KLHL30: variants seen among roughly 807,000 people sequenced by gnomAD.
KLHL30 encodes kelch-like protein 30.
A neutral mutation model predicts 55.0 loss-of-function variants in KLHL30; 55 were observed. The ratio of observed to expected loss-of-function variants is 1.00; its 90% CI spans 0.80 to 1.25. KLHL30 has a LOEUF of 1.25. KLHL30 is among the 50% of genes most tolerant of loss of function. KLHL30 has a pLI of 0.00. For missense variants in KLHL30, 786 were observed against 811.6 expected (o/e 0.97, Z 0.38); for synonymous variants, 356 against 372.6 (o/e 0.96, Z 0.51).
Position 238,151,104 on chromosome 2 carries a change from G to T in KLHL30, c.*39G>T. ...TCCCCGGGGAGGAGTCCCCACAGCG[G>T]CCCCTCATCAGCCTGTGGAACGGCC... On this transcript the variant is annotated 3_prime_UTR_variant, in exon 8 of 8. Transcript: ENST00000409223. 6.4e-7 allele frequency: 1 copy of T among 1,553,932 alleles called. No individual in the cohort carries two copies. The highest frequency in any genetic ancestry group is 1.2e-5 in the South Asian group (1 of 84,332).
Position 238,147,458 on chromosome 2 carries a change from C to A in KLHL30, c.1151-376C>A, listed in dbSNP as rs1692667403. Among the ~76,000 whole-genome samples, 1 of 152,158 alleles carries A rather than the reference C, an allele frequency of 6.6e-6. No homozygotes were observed. The highest frequency in any genetic ancestry group is 2.1e-4 in the South Asian group (1 of 4,830). Reference sequence around the variant, plus strand: ...AGCTGCCTACAGCTCCAGGGTCTCGCAACCCGCCCTCCCAGGGCTGGCATC... The same window carrying A: ...AGCTGCCTACAGCTCCAGGGTCTCGAAACCCGCCCTCCCAGGGCTGGCATC... On this transcript the variant is annotated intron_variant, in intron 5 of 7. Transcript: ENST00000409223. This position sits in a 1 kb window ranked among gnomAD's most constrained non-coding sequence, Gnocchi z 5.8.
chr2:238,149,109 A>G lies in KLHL30; in HGVS notation c.1442A>G (p.Lys481Arg), dbSNP rs1241172665. 3 of 1,613,136 alleles carry G rather than the reference A, an allele frequency of 1.9e-6. No homozygotes were observed. In the Admixed American group the frequency reaches 5.0e-5, roughly 27 times the overall value. The change falls in exon 7 of 8, where the codon AAG becomes AGG. Residue 481 changes from lysine to arginine, a missense_variant. Physicochemically the swap from Lys to Arg is conservative, Grantham distance 26. Transcript: ENST00000409223. ...GELYLIGDNT[K>R]KVYVYDPGAN... is the part of the protein sequence containing the mutation. ...CTCTACCTCATTGGGGACAACACCAAGAAGGTCTACGTGTACGACCCCGGG... is the reference window on the plus strand; with the variant it reads ...CTCTACCTCATTGGGGACAACACCAGGAAGGTCTACGTGTACGACCCCGGG...
chr2:238,140,347 T>A (rs569880165), intron 1 of KLHL30, among the ~76,000 whole-genome samples: 1 of 152,212 alleles, frequency 6.6e-6, no homozygotes, highest in East Asian at 1.9e-4. Context: ...GTCTCCGGGG[T>A]CCCTGGGGGG....
chr2:238,146,911 C>T (rs1275606202), intron 5 of KLHL30, among the ~76,000 whole-genome samples: 1 of 149,148 alleles, frequency 6.7e-6, no homozygotes. Flanking sequence ...GAGGCCAAGG[C>T]AGGAGAATCG....
intron 7 of KLHL30, among the ~76,000 whole-genome samples, chr2:238,150,530 C>T (rs1046159756): frequency 6.6e-6 from 1 of 152,186 alleles, no homozygotes; most frequent in Non-Finnish European, 1.5e-5. Context: ...CAGCCCGGAC[C>T]TCCCCGGGAG....
intron 3 of KLHL30, among the ~76,000 whole-genome samples, chr2:238,144,432 A>AAGGAATGAAGGAAGGAAGGCAGGCAGGC (rs1692608040): frequency 1.2e-5 from 1 of 82,380 alleles, no homozygotes; most frequent in Non-Finnish European, 2.6e-5. Context: ...GGAAGGAAGG[A>AAGGAATGAAGGAAGGAAGGCAGGCAGGC]AGGCAGGCAG....
rs2106310667 is a variant in KLHL30, at chr2:238,141,301, C to T, written c.547C>T (p.Leu183=). The T allele has an allele frequency of 1.3e-6, 2 of 1,598,254 alleles. No homozygotes were observed. The highest frequency in any genetic ancestry group is 1.7e-6 in the Non-Finnish European group (2 of 1,175,698). Residue 183 remains leucine (L), a synonymous_variant, in exon 2 of 8, where the codon CTG becomes TTG. Coordinates refer to ENST00000409223, the MANE Select transcript of KLHL30 (RefSeq NM_198582.4). ...QLPRERLVTC[L]AGDLLQVQPE... ...TCCCCGAGAGCGGCTGGTCACTTGT[C>T]TGGCCGGCGACCTGCTGCAGGTACA...
intron 4 of KLHL30, 76 bp from the exon 5 acceptor site, chr2:238,145,601 G>A: frequency 6.7e-7 from 1 of 1,503,408 alleles, no homozygotes; most frequent in East Asian, 2.5e-5. Context: ...GGAGGTCCCT[G>A]GACATTGGTA....
chr2:238,151,407 C>T lies in KLHL30; in HGVS notation c.*342C>T. 2.6e-6 allele frequency: 1 copy of T among 382,964 alleles called. No individual in the cohort carries two copies. Among genetic ancestry groups the T allele is most frequent in the Non-Finnish European group, 4.8e-6 (1 of 207,768 alleles). The allele number at this position is 382,964 out of a possible 1,614,324, so 23.7% of individuals were successfully genotyped here. A position where few individuals can be genotyped will look rare whatever the true frequency, so the allele number is the denominator to read the frequency against. ...CAGAGCTTGCGAGCCCCACTCCTGC[C>T]CCTGGACCCCAGCAGGGGCTTTTGG... is the stretch of plus-strand genomic sequence containing the variant. On this transcript the variant is annotated 3_prime_UTR_variant, in exon 8 of 8. Transcript: ENST00000409223.
chr2:238,140,008 C>T lies in KLHL30; in HGVS notation c.-70-677C>T, dbSNP rs115599536. On this transcript the variant is annotated intron_variant, in intron 1 of 7. Transcript: ENST00000409223. ...CCGTTTCTGTTTAGCAGCCTCCACC[C>T]GGCCACGTGGAATGCAGGGTTCAGA... Among the ~76,000 whole-genome samples, 451 of 152,376 alleles carry T rather than the reference C, an allele frequency of 3.0e-3. 2 individuals carry two copies. Among genetic ancestry groups the T allele is most frequent in the African/African-American group, 0.01 (417 of 41,584 alleles).
rs1293964557 is a variant in KLHL30 at position 238,147,877 on chromosome 2, C to T, written c.1194C>T (p.Tyr398=). The T allele has an allele frequency of 6.3e-7, 1 of 1,595,188 alleles. No homozygotes were observed. Among genetic ancestry groups the T allele is most frequent in the Non-Finnish European group, 8.5e-7 (1 of 1,170,174 alleles). Residue 398 remains tyrosine, a synonymous_variant, in exon 6 of 8, where the codon TAC becomes TAT. Transcript: ENST00000409223. The surrounding 1 kb of genome is among the most constrained non-coding windows in gnomAD (Gnocchi z 5.8). The part of the protein sequence containing the change: ...DVVEVESYDP[Y]TDSWTPVSPA... ...TGGAGGTGGAGAGCTATGACCCCTA[C>T]ACGGACAGCTGGACGCCCGTCAGCC...
At chr2:238,149,258 C>T (rs890031855) in intron 7 of KLHL30, 106 bp downstream of exon 7, 35 of 1,455,230 alleles carry the variant, frequency 2.4e-5, no homozygotes, top group African/African-American at 2.1e-4. Flanking sequence ...GGGCCCACTG[C>T]GAAGGGGACA....
intron 5 of KLHL30, among the ~76,000 whole-genome samples, chr2:238,146,749 C>A (rs977171905): frequency 1.3e-5 from 2 of 151,586 alleles, no homozygotes; most frequent in Non-Finnish European, 2.9e-5. Flanking sequence ...AGGCCAGGTG[C>A]AGTGGCTCAC....
rs374684749 is a variant in KLHL30 at position 238,149,063 on chromosome 2, T to C, written c.1396T>C (p.Cys466Arg). Residue 466 changes from cysteine (C) to arginine (R), a missense_variant, in exon 7 of 8, where the codon TGT (cysteine) becomes CGT (arginine). Cys to Arg is a radical substitution (Grantham distance 180, BLOSUM62 -3). Transcript: ENST00000409223. ...GCCCAAGTACCTGTCCTCGCCTCGC[T>C]GTGCTGCACTGCACGGGGAGCTCTA... is the stretch of plus-strand genomic sequence containing the variant. ...FLPKYLSSPR[C>R]AALHGELYLI... The C allele has an allele frequency of 1.7e-5, 28 of 1,613,292 alleles. No individual in the cohort carries two copies. The African/African-American group carries it at 3.5e-4, about 20-fold the overall frequency.
At chr2:238,142,729 C>T in intron 2 of KLHL30, 70 bp from the exon 3 acceptor site, 1 of 1,328,674 alleles carries the variant, frequency 7.5e-7, no homozygotes, top group Non-Finnish European at 9.7e-7. Flanking sequence ...GAGGCCTGCC[C>T]AGGACACGCG....
chr2:238,142,923 G>A lies in KLHL30; in HGVS notation c.899G>A (p.Ser300Asn). ...CTTGGGAACTTTGCCTTCTACAACA[G>A]CAAGGCCAGTGAGTACCCCTCCCGC... ...PGLGNFAFYNSKAKRWMALPD... is the reference protein window; with the variant it reads ...PGLGNFAFYNNKAKRWMALPD... The change falls in exon 3 of 8, where the codon AGC becomes AAC. Residue 300 changes from serine to asparagine, a missense_variant. Ser to Asn is a conservative substitution (Grantham distance 46). Coordinates refer to ENST00000409223, the MANE Select transcript of KLHL30 (RefSeq NM_198582.4). 6.6e-7 allele frequency: 1 copy of A among 1,507,190 alleles called. No homozygotes were observed. The highest frequency in any genetic ancestry group is 1.4e-5 in the South Asian group (1 of 73,502). The allele number at this position is 1,507,190 out of a possible 1,614,324, so 93.4% of individuals were successfully genotyped here.
In KLHL30 at chr2:238,151,300, G is replaced by A; in HGVS notation, c.*235G>A. The A allele has an allele frequency of 1.7e-6, 1 of 603,698 alleles. No individual in the cohort carries two copies. The highest frequency in any genetic ancestry group is 2.9e-6 in the Non-Finnish European group (1 of 350,574). 37.4% of individuals were successfully genotyped at this position (603,698 alleles called of 1,614,324 possible). On this transcript the variant is annotated 3_prime_UTR_variant, in exon 8 of 8. Coordinates refer to ENST00000409223, the MANE Select transcript of KLHL30 (RefSeq NM_198582.4). Reference sequence around the variant, plus strand: ...ACAAGGGCCTGAGTGCCAGACGCTGGCATAACAGGGACAGGAAGCTCTGCT... The same window carrying A: ...ACAAGGGCCTGAGTGCCAGACGCTGACATAACAGGGACAGGAAGCTCTGCT...
chr2:238,143,292 G>A (rs537600423), intron 3 of KLHL30, among the ~76,000 whole-genome samples: 3 of 152,358 alleles, frequency 2.0e-5, no homozygotes, highest in South Asian at 4.1e-4. Context: ...TGCACCTGCC[G>A]AGGGAATCGA....
intron 6 of KLHL30, among the ~76,000 whole-genome samples, chr2:238,148,282 G>A (rs1692684676): frequency 1.3e-5 from 2 of 152,206 alleles, no homozygotes; most frequent in African/African-American, 4.8e-5. Context: ...TCAGGCCTTA[G>A]GGCAGCAGTG....
Sources: gnomAD v4.1 joint callset for allele counts (sites outside exome capture counted in the v4.1 genomes callset) on GRCh38, gnomAD v4.1.1 for gene constraint, Gnocchi (gnomAD v3.1) non-coding constraint, MANE v1.5 for transcripts, NCBI Gene and HGNC (gene_info 2026-07-23, HGNC 2026-07-21) for gene names.